The following FAM76B variants were observed in gnomAD, a reference collection of about 807,000 sequenced individuals.
FAM76B encodes protein FAM76B.
Under a neutral mutation model 51.8 loss-of-function variants are expected in FAM76B, and 16 were observed. The ratio of observed to expected loss-of-function variants is 0.31; its 90% CI spans 0.21 to 0.47. The LOEUF (loss-of-function observed/expected upper bound fraction) is 0.47. Ranked by LOEUF, FAM76B falls within the 20% of genes least tolerant of loss-of-function variation. The pLI, the probability that FAM76B is intolerant of heterozygous loss-of-function variation, is 1.00. For missense variants in FAM76B, 342 were observed against 392.6 expected, an observed-to-expected ratio of 0.87 and a Z score of 1.09; for synonymous variants, 166 against 129.5, an observed-to-expected ratio of 1.28 and a Z score of -1.91.
At chr11:95,777,040 G>C (rs1353734682) in intron 8 of FAM76B, among the ~76,000 whole-genome samples, 2 of 151,244 alleles carry the variant, frequency 1.3e-5, no homozygotes, top group East Asian at 1.9e-4. Context: ...ACATACACCA[G>C]ATCAGCTAAG....
intron 4 of FAM76B, among the ~76,000 whole-genome samples, chr11:95,784,010 T>G (rs1471998764): frequency 6.6e-6 from 1 of 152,134 alleles, no homozygotes; most frequent in Non-Finnish European, 1.5e-5. Context: ...GGTTGTAATG[T>G]GAAATGGCAA....
intron 5 of FAM76B, among the ~76,000 whole-genome samples, chr11:95,782,087 G>T (rs1591019567): frequency 6.6e-6 from 1 of 152,098 alleles, no homozygotes; most frequent in Non-Finnish European, 1.5e-5. Context: ...CCATATGTCC[G>T]TTTTTTCCAT....
chr11:95,788,366 T>C (rs989166387), intron 2 of FAM76B, 133 bp downstream of exon 2: 9 of 727,330 alleles, frequency 1.2e-5, no homozygotes, highest in Non-Finnish European at 2.1e-5. Flanking sequence ...GTATAAAAGG[T>C]TTACAACTTA....
chr11:95,788,669 A>G, intron 1 of FAM76B, 106 bp from the exon 2 acceptor site: 1 of 1,293,148 alleles, frequency 7.7e-7, no homozygotes. Context: ...AAACATTTAT[A>G]AAACCTGGCC....
At position 95,770,296 on chromosome 11, in the gene FAM76B, C is replaced by T. The variant is rs543523184; in HGVS notation, c.*1265G>A. On this transcript the variant is annotated 3_prime_UTR_variant, in exon 10 of 10. Transcript: ENST00000358780. ...ATAGACAATTTTAAAGACTTTAGGA[C>T]AATTTACTTATAATGCCTGAATCTT... The T allele has an allele frequency of 2.6e-5, 4 of 151,878 alleles. No individual in the cohort carries two copies. The highest frequency in any genetic ancestry group is 4.8e-5 in the African/African-American group (2 of 41,472). 9.4% of individuals were successfully genotyped at this position (151,878 alleles called of 1,614,324 possible). A position where few individuals can be genotyped will look rare whatever the true frequency, so the allele number is the denominator to read the frequency against.
At chr11:95,789,166 TC>T in intron 1 of FAM76B, 1 of 1,115,710 alleles carries the variant, frequency 9.0e-7, no homozygotes, top group Non-Finnish European at 1.2e-6. Context: ...CCCGGCACCC[TC>T]CTGGGCCGCC....
At chr11:95,779,533 A>G in intron 7 of FAM76B, 74 bp downstream of exon 7, 2 of 1,208,212 alleles carry the variant, frequency 1.7e-6, no homozygotes, top group Non-Finnish European at 1.2e-6. Flanking sequence ...TTTTTTATCT[A>G]GTAATAACTG....
At position 95,775,933 on chromosome 11, in the gene FAM76B, CCA is replaced by C; in HGVS notation, c.917_918del (p.Val306GlyfsTer21). On this transcript the variant is annotated frameshift_variant, in exon 9 of 10. Coordinates refer to ENST00000358780, the MANE Select transcript of FAM76B (RefSeq NM_144664.5). LOFTEE classifies it high-confidence loss of function. ...NSMEKAHKET[V>X]EQLQAKNREL... ...ATGATGGTAGTTACCTGAAGTTGTT[CCA>C]CAGTTTCTTTGTGGGCTTTTTCCAT... 1 of 1,579,532 alleles carries C rather than the reference CCA, an allele frequency of 6.3e-7. No individual in the cohort carries two copies. The highest frequency in any genetic ancestry group is 8.6e-7 in the Non-Finnish European group (1 of 1,164,030).
Position 95,788,645 on chromosome 11 carries a change from C to G in FAM76B, c.88-82G>C. 15 of 1,395,388 alleles carry G rather than the reference C, an allele frequency of 1.1e-5. 1 individual carries two copies. Among genetic ancestry groups the G allele is most frequent in the Non-Finnish European group, 1.5e-5 (15 of 1,008,000 alleles). 86.4% of individuals were successfully genotyped at this position (1,395,388 alleles called of 1,614,324 possible). On this transcript the variant is annotated intron_variant, in intron 1 of 9. Coordinates refer to ENST00000358780, the MANE Select transcript of FAM76B (RefSeq NM_144664.5). Reference sequence around the variant, plus strand: ...TCTGGTAGAAAACTGTTTACCCAACCTAGTGAAAGTCTAAAACATTTATAA... The same window carrying G: ...TCTGGTAGAAAACTGTTTACCCAACGTAGTGAAAGTCTAAAACATTTATAA...
Position 95,786,251 on chromosome 11 carries a change from G to A in FAM76B, c.231C>T (p.Asn77=), listed in dbSNP as rs772096390. 4.3e-6 allele frequency: 7 copies of A among 1,613,906 alleles called. No individual in the cohort carries two copies. Among genetic ancestry groups the A allele is most frequent in the Non-Finnish European group, 1.7e-6 (2 of 1,179,994 alleles). ...TGGTACCAATAAATGCTGCAATTAT[G>A]TTACAGTACTGACAAGGCTTGGGCT... ...FGTPKPCQYC[N]IIAAFIGTKC... Residue 77 remains asparagine, a synonymous_variant, in exon 4 of 10, where the codon AAC becomes AAT. Coordinates refer to ENST00000358780, the MANE Select transcript of FAM76B (RefSeq NM_144664.5).
At position 95,789,639 on chromosome 11, in the gene FAM76B, C is replaced by A. The variant is rs991931797; in HGVS notation, c.-161G>T. ...CCGCGAGAGCCCAGGGCCCCGCGGA[C>A]GACGCCACCGTCTCCCTCCGCCTCC... On this transcript the variant is annotated 5_prime_UTR_variant, in exon 1 of 10. Transcript: ENST00000358780. 1 of 549,096 alleles carries A rather than the reference C, an allele frequency of 1.8e-6. No homozygotes were observed. Among genetic ancestry groups the A allele is most frequent in the Non-Finnish European group, 3.1e-6 (1 of 322,384 alleles). The allele number at this position is 549,096 out of a possible 1,614,324, so 34.0% of individuals were successfully genotyped here.
Position 95,779,899 on chromosome 11 carries a change from C to G in FAM76B, c.591G>C (p.Glu197Asp). Residue 197 changes from glutamate to aspartate, a missense_variant, in exon 6 of 10, where the codon GAG becomes GAC. Transcript: ENST00000358780. The part of the protein sequence containing the change: ...HKISNLSPEE[E>D]QGLWKQSHKS... Reference sequence around the variant, plus strand: ...TTTACCTCTGTTTCCACAGTCCCTGCTCTTCTTCTGGACTTAGATTGCTGA... The same window carrying G: ...TTTACCTCTGTTTCCACAGTCCCTGGTCTTCTTCTGGACTTAGATTGCTGA... The G allele has an allele frequency of 1.9e-6, 3 of 1,605,608 alleles. No individual in the cohort carries two copies. The African/African-American group carries it at 4.0e-5, about 22-fold the overall frequency.
In FAM76B at chr11:95,789,561, C is replaced by A. The variant is rs866498976; in HGVS notation, c.-83G>T. On this transcript the variant is annotated 5_prime_UTR_variant, in exon 1 of 10. Coordinates refer to ENST00000358780, the MANE Select transcript of FAM76B (RefSeq NM_144664.5). ...AACCCGAGAGCCGCCGCCGCCCGGG[C>A]CGCGGGCTCCTCCTCCTCCCCCTCC... 4.3e-5 allele frequency: 55 copies of A among 1,289,464 alleles called. No homozygotes were observed. In the Middle Eastern group the frequency reaches 1.5e-3, roughly 36 times the overall value. 79.9% of individuals were successfully genotyped at this position (1,289,464 alleles called of 1,614,324 possible).
intron 3 of FAM76B, among the ~76,000 whole-genome samples, chr11:95,787,296 G>T (rs996951928): frequency 6.6e-6 from 1 of 152,064 alleles, no homozygotes; most frequent in Non-Finnish European, 1.5e-5. Flanking sequence ...TGCAGTGGCA[G>T]GATCTCAGCT....
chr11:95,777,858 T>C lies in FAM76B; in HGVS notation c.828+964A>G, dbSNP rs560326891. Among the ~76,000 whole-genome samples, 16 of 151,570 alleles carry C rather than the reference T, an allele frequency of 1.1e-4. 1 individual carries two copies. The South Asian group carries it at 2.1e-3, about 20-fold the overall frequency. On this transcript the variant is annotated intron_variant, in intron 8 of 9. Transcript: ENST00000358780. ...CCTTATTCTTTTAAAAGAAATGATT[T>C]TAGTGTTCTCCTACTGCATAATACA...
intron 5 of FAM76B, among the ~76,000 whole-genome samples, chr11:95,780,421 C>G (rs182249340): frequency 8.6e-5 from 13 of 151,988 alleles, no homozygotes; most frequent in Admixed American, 2.0e-4. Context: ...TCTTAAGAAT[C>G]CTCTCCAAAG....
intron 7 of FAM76B, 114 bp downstream of exon 7, chr11:95,779,493 C>T: frequency 5.3e-6 from 5 of 946,026 alleles, no homozygotes; most frequent in Non-Finnish European, 7.6e-6. Flanking sequence ...CTAGGTGACT[C>T]AAGTCAATGT....
At chr11:95,788,314 A>C (rs1486911078) in intron 2 of FAM76B, among the ~76,000 whole-genome samples, 185 bp downstream of exon 2, 1 of 152,218 alleles carries the variant, frequency 6.6e-6, no homozygotes. Flanking sequence ...ACTGTAAATT[A>C]ACCACCACTG....
At chr11:95,776,320 A>G (rs952683726) in intron 8 of FAM76B, among the ~76,000 whole-genome samples, 1 of 151,498 alleles carries the variant, frequency 6.6e-6, no homozygotes, top group African/African-American at 2.4e-5. Context: ...TGCCAACGAA[A>G]AAAGCTTAAC....
Sources: allele counts gnomAD v4.1 joint callset (sites outside exome capture counted in the v4.1 genomes callset), GRCh38; gene constraint gnomAD v4.1.1; transcripts MANE v1.5; gene names NCBI Gene and HGNC (gene_info 2026-07-23, HGNC 2026-07-21).